C2CD3: variants seen among roughly 807,000 people sequenced by gnomAD.
C2CD3 encodes the protein C2 domain containing 3 centriole elongation regulator.
In C2CD3, 148 loss-of-function variants were observed where a neutral mutation model predicts 234.0. The observed-to-expected ratio is 0.63, with a 90% CI of 0.55 to 0.72. The LOEUF is 0.72. Among genes scored for constraint, C2CD3 ranks in the 30% least tolerant of loss-of-function variants. The pLI is 0.00. For synonymous variants in C2CD3, 1,000 were observed against 1,035.4 expected (o/e 0.97, Z 0.66); for missense variants, 2,577 against 2,811.5 (o/e 0.92, Z 1.89).
chr11:74,077,822 T>A (rs1955132660), intron 23 of C2CD3, among the ~76,000 whole-genome samples: 1 of 20,380 alleles, frequency 4.9e-5, no homozygotes, highest in African/African-American at 3.5e-4. Flanking sequence ...TATATATATA[T>A]ATATATATAT....
chr11:74,068,833 A>G (rs1465078712), intron 24 of C2CD3, among the ~76,000 whole-genome samples: 2 of 152,064 alleles, frequency 1.3e-5, no homozygotes, highest in African/African-American at 4.8e-5. Context: ...ACGGAGTCTC[A>G]CTCACTCTGT....
intron 23 of C2CD3, among the ~76,000 whole-genome samples, chr11:74,077,804 TA>T (rs1355439765): frequency 6.2e-4 from 11 of 17,748 alleles, no homozygotes; most frequent in Non-Finnish European, 1.1e-3. Flanking sequence ...TATATATATA[TA>T]TATATATATA....
At chr11:74,139,040 G>A in intron 4 of C2CD3, 73 bp from the exon 5 acceptor site, 1 of 1,330,148 alleles carries the variant, frequency 7.5e-7, no homozygotes, top group Non-Finnish European at 1.0e-6. Context: ...GTCAGAGACA[G>A]AAAGTAGACC....
chr11:74,044,846 T>C (rs965173778), intron 28 of C2CD3, among the ~76,000 whole-genome samples: 3 of 152,120 alleles, frequency 2.0e-5, no homozygotes, highest in African/African-American at 7.2e-5. Flanking sequence ...CTTAGGATAA[T>C]GGCCTCCAGC....
At chr11:74,095,756 C>G (rs1171410111) in intron 16 of C2CD3, among the ~76,000 whole-genome samples, 2 of 152,076 alleles carry the variant, frequency 1.3e-5, no homozygotes, top group South Asian at 4.1e-4. Flanking sequence ...GAAGGCTGTT[C>G]CCTTCATAGG....
intron 32 of C2CD3, among the ~76,000 whole-genome samples, chr11:74,020,594 C>T (rs1009235221): frequency 1.3e-5 from 2 of 152,224 alleles, no homozygotes; most frequent in Non-Finnish European, 2.9e-5. Flanking sequence ...AGGGTCCTAG[C>T]TCTTTCAGCA....
chr11:74,156,536 G>A (rs187305021), intron 3 of C2CD3, among the ~76,000 whole-genome samples: 4 of 150,846 alleles, frequency 2.7e-5, no homozygotes, highest in Admixed American at 2.0e-4. Context: ...AAAACTAGGT[G>A]CTGTGGAGCA....
rs1173532146 is a variant in C2CD3 at position 74,022,735 on chromosome 11, G to A, written c.6921+5552C>T. The stretch of plus-strand genomic sequence containing the variant: ...TTAACAAAATCAGGAAGCTGTCCCA[G>A]TAAAGAGTTACTTCATCACAAGAGG... On this transcript the variant is annotated intron_variant, in intron 32 of 32. Transcript: ENST00000334126. Among the ~76,000 whole-genome samples the A allele has an allele frequency of 3.3e-5, 5 of 152,246 alleles. No individual in the cohort carries two copies. In the East Asian group the frequency reaches 7.7e-4, roughly 23 times the overall value.
intron 3 of C2CD3, among the ~76,000 whole-genome samples, chr11:74,143,119 A>G (rs1245749832): frequency 6.6e-6 from 1 of 152,086 alleles, no homozygotes. Flanking sequence ...CACGCCATCC[A>G]CATATACCAA....
chr11:74,084,983 G>C lies in C2CD3; in HGVS notation c.3911-13C>G. On this transcript the variant is annotated splice_polypyrimidine_tract_variant and intron_variant, in intron 21 of 32. Transcript: ENST00000334126. ...ATTATATCACTTGCTGTTAAATCAAGCAAAAAAGAAAAATTATTTGATGGT... is the reference window on the plus strand; with the variant it reads ...ATTATATCACTTGCTGTTAAATCAACCAAAAAAGAAAAATTATTTGATGGT... 6.6e-7 allele frequency: 1 copy of C among 1,517,562 alleles called. No individual in the cohort carries two copies. The highest frequency in any genetic ancestry group is 9.1e-7 in the Non-Finnish European group (1 of 1,094,500). 94.0% of individuals were successfully genotyped at this position (1,517,562 alleles called of 1,614,324 possible).
intron 19 of C2CD3, among the ~76,000 whole-genome samples, chr11:74,091,698 A>C (rs1955899320): frequency 6.6e-6 from 1 of 152,158 alleles, no homozygotes; most frequent in African/African-American, 2.4e-5. Context: ...GCTATCTTCT[A>C]CCAATCCCCT....
intron 26 of C2CD3, among the ~76,000 whole-genome samples, chr11:74,049,768 T>G (rs1442097235): frequency 6.6e-6 from 1 of 151,922 alleles, no homozygotes; most frequent in Non-Finnish European, 1.5e-5. Context: ...GGCTTGCACT[T>G]CATTCTCTCT....
intron 8 of C2CD3, among the ~76,000 whole-genome samples, chr11:74,118,715 A>C (rs146299817): frequency 0.014 from 2,193 of 152,268 alleles, 19 homozygotes; most frequent in Non-Finnish European, 0.023. Context: ...TATTCACCAC[A>C]TTCCGACAAG....
chr11:74,071,477 A>T (rs1372116232), intron 24 of C2CD3, among the ~76,000 whole-genome samples: 1 of 152,184 alleles, frequency 6.6e-6, no homozygotes, highest in Non-Finnish European at 1.5e-5. Flanking sequence ...TTGAGTATAG[A>T]CCTGCCCATC....
chr11:74,161,679 T>C lies in C2CD3; in HGVS notation c.326-123A>G. 5 of 538,392 alleles carry C rather than the reference T, an allele frequency of 9.3e-6. No individual in the cohort carries two copies. The South Asian group carries it at 1.9e-4, about 21-fold the overall frequency. The allele number at this position is 538,392 out of a possible 1,614,324, so 33.4% of individuals were successfully genotyped here. ...TTGAAAAAAAATATTTTATGTTGGA[T>C]AACACCATTGCATTGGTGAAAGTGA... On this transcript the variant is annotated intron_variant, in intron 2 of 32. Coordinates refer to ENST00000334126, the MANE Select transcript of C2CD3 (RefSeq NM_001286577.2).
Position 74,168,166 on chromosome 11 carries a change from T to A in C2CD3, c.325+178A>T, listed in dbSNP as rs759235434. 50 of 594,368 alleles carry A rather than the reference T, an allele frequency of 8.4e-5. 2 individuals carry two copies. In the Middle Eastern group the frequency reaches 3.1e-3, roughly 37 times the overall value. The allele number at this position is 594,368 out of a possible 1,614,324, so 36.8% of individuals were successfully genotyped here. Reference sequence around the variant, plus strand: ...TAGAAGTAATACATTTCAAAACTGCTGGCACACAGTAACACTCAATAAATT... The same window carrying A: ...TAGAAGTAATACATTTCAAAACTGCAGGCACACAGTAACACTCAATAAATT... On this transcript the variant is annotated intron_variant, in intron 2 of 32. Coordinates refer to ENST00000334126, the MANE Select transcript of C2CD3 (RefSeq NM_001286577.2).
chr11:74,082,940 A>C (rs1178778973), intron 22 of C2CD3, among the ~76,000 whole-genome samples: 1 of 152,218 alleles, frequency 6.6e-6, no homozygotes, highest in African/African-American at 2.4e-5. Flanking sequence ...GGAAAAAACT[A>C]CTTTAAAGTT....
intron 3 of C2CD3, among the ~76,000 whole-genome samples, chr11:74,147,698 A>G (rs1855310902): frequency 6.6e-6 from 1 of 152,244 alleles, no homozygotes; most frequent in African/African-American, 2.4e-5. Context: ...GGGCATTAAC[A>G]AGGAACCATA....
At chr11:74,144,071 C>T (rs899334254) in intron 3 of C2CD3, among the ~76,000 whole-genome samples, 2 of 151,932 alleles carry the variant, frequency 1.3e-5, no homozygotes, top group Admixed American at 1.3e-4. Context: ...GTCTTTCTTA[C>T]AGTAGAATCA....
Sources: allele counts gnomAD v4.1 joint callset (sites outside exome capture counted in the v4.1 genomes callset), GRCh38; gene constraint gnomAD v4.1.1; transcripts MANE v1.5; gene names NCBI Gene and HGNC (gene_info 2026-07-23, HGNC 2026-07-21).